Variants in AGBL4 observed in about 807,000 individuals in gnomAD.
AGBL4 encodes cytosolic carboxypeptidase 6.
In AGBL4, 58 loss-of-function variants were observed where a neutral mutation model predicts 66.4. The ratio of observed to expected loss-of-function variants is 0.87; its 90% confidence interval spans 0.71 to 1.09. The LOEUF (loss-of-function observed/expected upper bound fraction) is 1.09, where lower values mean the gene tolerates loss of function less well. Ranked by LOEUF, AGBL4 falls within the 50% of genes least tolerant of loss-of-function variation. The pLI, the probability that AGBL4 is intolerant of heterozygous loss-of-function variation, is 0.00. For missense variants in AGBL4, 579 were observed against 631.0 expected, an observed-to-expected ratio of 0.92 and a Z score of 0.88; for synonymous variants, 234 against 222.9, an observed-to-expected ratio of 1.05 and a Z score of -0.44.
At chr1:49,353,177 T>C (rs1643946255) in intron 3 of AGBL4, among the ~76,000 whole-genome samples, 1 of 152,184 alleles carries the variant, frequency 6.6e-6, no homozygotes, top group African/African-American at 2.4e-5. Flanking sequence ...TCTGCTCTAG[T>C]CCGTCTCTGC....
At chr1:49,556,517 TA>T (rs1206282592) in intron 3 of AGBL4, among the ~76,000 whole-genome samples, 1 of 16,204 alleles carries the variant, frequency 6.2e-5, no homozygotes, top group Non-Finnish European at 1.4e-4. Context: ...TAAAAAAAAT[TA>T]TATATATATA....
chr1:49,206,885 G>GGAGAC (rs1648181996), intron 4 of AGBL4, among the ~76,000 whole-genome samples: 5 of 125,070 alleles, frequency 4.0e-5, no homozygotes, highest in Admixed American at 1.6e-4. Flanking sequence ...GGAGAGGAGA[G>GGAGAC]GAGAGGAGAG....
At chr1:49,904,734 A>T (rs1166519274) in intron 1 of AGBL4, among the ~76,000 whole-genome samples, 1 of 152,234 alleles carries the variant, frequency 6.6e-6, no homozygotes, top group Non-Finnish European at 1.5e-5. Context: ...GATTTCTTAC[A>T]GAGAAGGTAA....
chr1:49,091,629 C>T (rs1160672495), intron 4 of AGBL4, among the ~76,000 whole-genome samples: 4 of 151,984 alleles, frequency 2.6e-5, no homozygotes, highest in Non-Finnish European at 5.9e-5. Context: ...GGTGATTTCC[C>T]AAAGAACTTA....
At chr1:49,383,277 A>T (rs1397069186) in intron 3 of AGBL4, among the ~76,000 whole-genome samples, 1 of 152,172 alleles carries the variant, frequency 6.6e-6, no homozygotes, top group Non-Finnish European at 1.5e-5. Context: ...ATTTTTCATT[A>T]TTTTGCAGAA....
intron 5 of AGBL4, among the ~76,000 whole-genome samples, chr1:48,972,987 C>A (rs1420655426): frequency 6.6e-6 from 1 of 152,054 alleles, no homozygotes; most frequent in Non-Finnish European, 1.5e-5. Context: ...CCAAATTTGT[C>A]AAATTTAAAA....
chr1:49,672,367 G>A (rs1646494832), intron 3 of AGBL4, among the ~76,000 whole-genome samples: 1 of 151,850 alleles, frequency 6.6e-6, no homozygotes, highest in South Asian at 2.1e-4. Flanking sequence ...GGAGGAAGAG[G>A]AGCAGAAATA....
chr1:48,802,338 G>A (rs1340870545), intron 6 of AGBL4, among the ~76,000 whole-genome samples: 2 of 152,116 alleles, frequency 1.3e-5, no homozygotes, highest in Non-Finnish European at 2.9e-5. Context: ...ATTAGGTTGG[G>A]ATAATGCCCC....
chr1:50,012,657 T>C (rs755196852), intron 1 of AGBL4, among the ~76,000 whole-genome samples: 1 of 152,196 alleles, frequency 6.6e-6, no homozygotes, highest in Non-Finnish European at 1.5e-5. Flanking sequence ...TATGTATATG[T>C]TCAGAGAATA....
intron 1 of AGBL4, among the ~76,000 whole-genome samples, chr1:49,892,927 C>T (rs1648798229): frequency 6.6e-6 from 1 of 152,012 alleles, no homozygotes; most frequent in Non-Finnish European, 1.5e-5. Context: ...TACTTCAGTC[C>T]CTGTTCTCTT....
chr1:48,652,329 T>A (rs971410431), intron 8 of AGBL4, among the ~76,000 whole-genome samples: 15 of 152,200 alleles, frequency 9.9e-5, no homozygotes, highest in African/African-American at 3.4e-4. Flanking sequence ...TGAACTGAGT[T>A]GCAAAGAATT....
chr1:49,394,393 C>T (rs1030080561), intron 3 of AGBL4, among the ~76,000 whole-genome samples: 1 of 151,900 alleles, frequency 6.6e-6, no homozygotes, highest in African/African-American at 2.4e-5. Context: ...GGCAAGAGAT[C>T]GATCTGAAAT....
rs550934730 is a variant in AGBL4, at chr1:49,371,724, G to T, written c.283-125860C>A. Among the ~76,000 whole-genome samples, 3 of 152,092 alleles carry T rather than the reference G, an allele frequency of 2.0e-5. No homozygotes were observed. The South Asian group carries it at 6.2e-4, about 32-fold the overall frequency. On this transcript the variant is annotated intron_variant, in intron 3 of 13. Transcript: ENST00000371839. ...ATTCTAGGTAGAATGGGATAATGCA[G>T]AAGACTGCAGAACTTCGATTTCAAA...
chr1:48,713,215 C>G (rs1646994772), intron 6 of AGBL4, among the ~76,000 whole-genome samples: 1 of 152,132 alleles, frequency 6.6e-6, no homozygotes, highest in South Asian at 2.1e-4. Context: ...TGATGGCAAC[C>G]CAGAGAAGGC....
chr1:49,042,562 G>A (rs1053336412), intron 5 of AGBL4, among the ~76,000 whole-genome samples: 3 of 152,044 alleles, frequency 2.0e-5, no homozygotes, highest in African/African-American at 4.8e-5. Context: ...TTTCTCCACC[G>A]TCTCCTTCAT....
rs1347173403 is a variant in AGBL4 at position 50,011,146 on chromosome 1, G to A, written c.34+12617C>T. Among the ~76,000 whole-genome samples the A allele has an allele frequency of 1.1e-4, 17 of 152,066 alleles. No homozygotes were observed. The South Asian group carries it at 2.5e-3, about 22-fold the overall frequency. On this transcript the variant is annotated intron_variant, in intron 1 of 13. Coordinates refer to ENST00000371839, the MANE Select transcript of AGBL4 (RefSeq NM_032785.4). ...GTTAAATTTGTTAATTTGTTAAAGA[G>A]ATTAATAACAAGAATATATAAGGAG...
chr1:49,891,513 A>G (rs991719377), intron 1 of AGBL4, among the ~76,000 whole-genome samples: 5 of 152,162 alleles, frequency 3.3e-5, no homozygotes, highest in African/African-American at 1.2e-4. Context: ...AAATAACCCC[A>G]CAACAAAGAA....
intron 4 of AGBL4, among the ~76,000 whole-genome samples, chr1:49,132,861 C>T (rs550496925): frequency 2.6e-5 from 4 of 152,244 alleles, no homozygotes; most frequent in South Asian, 2.1e-4. Flanking sequence ...ACCAGAAATA[C>T]CATTTGACCC....
At chr1:49,836,306 A>C (rs560999011) in intron 2 of AGBL4, among the ~76,000 whole-genome samples, 2 of 151,964 alleles carry the variant, frequency 1.3e-5, no homozygotes, top group African/African-American at 4.8e-5. Context: ...TATTGTCTTC[A>C]TGGTTTATTT....
Sources: gnomAD v4.1 joint callset for allele counts (sites outside exome capture counted in the v4.1 genomes callset) on GRCh38, gnomAD v4.1.1 for gene constraint, MANE v1.5 for transcripts, NCBI Gene and HGNC (gene_info 2026-07-23, HGNC 2026-07-21) for gene names.